Variants in DLG2 observed in about 807,000 individuals in gnomAD.
The protein encoded by DLG2 is discs large MAGUK scaffold protein 2, also known as disks large homolog 2.
Under a neutral mutation model 132.5 loss-of-function variants are expected in DLG2, and 45 were observed. The ratio of observed to expected loss-of-function variants is 0.34; its 90% CI spans 0.27 to 0.44. The LOEUF (loss-of-function observed/expected upper bound fraction) is 0.44. Among genes scored for constraint, DLG2 ranks in the 20% least tolerant of loss-of-function variants. The pLI, the probability that DLG2 is intolerant of heterozygous loss-of-function variation, is 1.00. For missense variants in DLG2, 1,045 were observed against 1,196.9 expected (o/e 0.87, Z 1.87); for synonymous variants, 424 against 419.6 (o/e 1.01, Z -0.13).
At chr11:84,722,732 C>A (rs918871982) in intron 6 of DLG2, among the ~76,000 whole-genome samples, 3 of 152,120 alleles carry the variant, frequency 2.0e-5, no homozygotes, top group African/African-American at 7.2e-5. Flanking sequence ...GAGCAAAATT[C>A]AACACGGAAA....
At chr11:84,906,199 T>G (rs2091484614) in intron 6 of DLG2, among the ~76,000 whole-genome samples, 1 of 151,682 alleles carries the variant, frequency 6.6e-6, no homozygotes, top group African/African-American at 2.4e-5. Context: ...TTTTTTTATC[T>G]TTATCTTGAA....
chr11:83,929,999 T>C (rs1591274431), intron 15 of DLG2, among the ~76,000 whole-genome samples: 1 of 152,326 alleles, frequency 6.6e-6, no homozygotes, highest in East Asian at 1.9e-4. Context: ...TCTTTCATCC[T>C]TCTGTATGAG....
At chr11:83,595,987 A>G (rs898458038) in intron 19 of DLG2, among the ~76,000 whole-genome samples, 5 of 152,178 alleles carry the variant, frequency 3.3e-5, no homozygotes, top group African/African-American at 1.2e-4. Context: ...AACCCTTAAA[A>G]TGCATTTATT....
chr11:84,755,133 T>C (rs2153837102), intron 6 of DLG2, among the ~76,000 whole-genome samples: 1 of 152,280 alleles, frequency 6.6e-6, no homozygotes, highest in Admixed American at 6.5e-5. Context: ...TTAAAAAATT[T>C]AAGTTTGAAG....
chr11:84,149,429 A>G (rs1212209759), intron 9 of DLG2, among the ~76,000 whole-genome samples: 3 of 152,068 alleles, frequency 2.0e-5, no homozygotes, highest in Non-Finnish European at 4.4e-5. Context: ...TCATTCTTCT[A>G]CATATGAATA....
In DLG2 at chr11:84,540,224, C is replaced by A. The variant is rs1460773874; in HGVS notation, c.358-5493G>T. 2.6e-5 allele frequency among the ~76,000 whole-genome samples: 4 copies of A among 151,768 alleles called. No homozygotes were observed. The East Asian group carries it at 7.8e-4, about 29-fold the overall frequency. Reference sequence around the variant, plus strand: ...ATTAAACTAAACAGCTCCTGCACAGCAAAAGAAACTACCATCAGAGTGAAC... The same window carrying A: ...ATTAAACTAAACAGCTCCTGCACAGAAAAAGAAACTACCATCAGAGTGAAC... On this transcript the variant is annotated intron_variant, in intron 6 of 27. Transcript: ENST00000376104.
chr11:83,691,483 G>A (rs545380634), intron 18 of DLG2, among the ~76,000 whole-genome samples: 2 of 152,282 alleles, frequency 1.3e-5, no homozygotes, highest in Admixed American at 6.5e-5. Context: ...CTGCGTATGA[G>A]GCTCTGCTGT....
rs143573105 is a variant in DLG2, at chr11:84,527,350, A to G, written c.519+7220T>C. ...CTGGCAACTCTAGTAAGAAAATAGT[A>G]TAAAAATACACATTGTTATCCTTTG... On this transcript the variant is annotated intron_variant, in intron 7 of 27. Coordinates refer to ENST00000376104, the MANE Select transcript of DLG2 (RefSeq NM_001142699.3). Among the ~76,000 whole-genome samples the G allele has an allele frequency of 4.1e-3, 628 of 152,318 alleles. 7 individuals carry two copies. The highest frequency in any genetic ancestry group is 0.015 in the African/African-American group (603 of 41,568).
intron 17 of DLG2, among the ~76,000 whole-genome samples, chr11:83,820,822 TTTAG>T (rs1565201809): frequency 3.3e-5 from 5 of 152,304 alleles, no homozygotes; most frequent in African/African-American, 1.2e-4. Context: ...CTGATCCATA[TTTAG>T]TTATTCTCTG....
intron 21 of DLG2, among the ~76,000 whole-genome samples, chr11:83,518,050 T>G (rs992690516): frequency 1.3e-5 from 2 of 152,210 alleles, no homozygotes; most frequent in African/African-American, 4.8e-5. Flanking sequence ...TTCAAAGCTG[T>G]CAGACAGGAA....
intron 6 of DLG2, among the ~76,000 whole-genome samples, chr11:84,660,039 T>C (rs907987372): frequency 1.3e-5 from 2 of 152,104 alleles, no homozygotes; most frequent in Admixed American, 6.6e-5. Flanking sequence ...GAAAGCTCAC[T>C]TGAGCCTTAG....
chr11:83,870,769 T>C (rs931498194), intron 16 of DLG2, among the ~76,000 whole-genome samples: 8 of 152,270 alleles, frequency 5.3e-5, no homozygotes, highest in African/African-American at 1.9e-4. Context: ...TTCAATCCCA[T>C]CTGTTGTCAC....
At chr11:83,771,950 A>G (rs2094410469) in intron 18 of DLG2, among the ~76,000 whole-genome samples, 1 of 152,172 alleles carries the variant, frequency 6.6e-6, no homozygotes, top group African/African-American at 2.4e-5. Context: ...CCTTGATTTC[A>G]TATCCCTTTA....
intron 6 of DLG2, among the ~76,000 whole-genome samples, chr11:84,707,574 C>T (rs141200518): frequency 4.0e-5 from 6 of 151,874 alleles, no homozygotes; most frequent in East Asian, 2.0e-4. Context: ...TATAAGAGTA[C>T]AATAGGTTGT....
chr11:85,116,899 G>T (rs2073674229), intron 5 of DLG2, among the ~76,000 whole-genome samples: 1 of 151,992 alleles, frequency 6.6e-6, no homozygotes, highest in African/African-American at 2.4e-5. Flanking sequence ...GAGGGGTTGA[G>T]AAGTCTTACA....
intron 19 of DLG2, among the ~76,000 whole-genome samples, chr11:83,588,045 C>G (rs113856513): frequency 1.3e-5 from 2 of 152,160 alleles, no homozygotes; most frequent in African/African-American, 4.8e-5. Context: ...AAGGCGGCAG[C>G]GAGGCTAGGG....
At chr11:85,613,310 C>A (rs1344239045) in intron 2 of DLG2, among the ~76,000 whole-genome samples, 10 of 152,202 alleles carry the variant, frequency 6.6e-5, no homozygotes, top group Admixed American at 6.5e-4. Context: ...GACCCCTGGA[C>A]TGACCCACCA....
intron 3 of DLG2, among the ~76,000 whole-genome samples, chr11:85,541,226 A>G (rs2075946977): frequency 6.6e-6 from 1 of 152,188 alleles, no homozygotes; most frequent in African/African-American, 2.4e-5. Flanking sequence ...TCAAAAAATA[A>G]TTATTGAGAC....
chr11:85,611,021 C>A (rs1397286237), intron 2 of DLG2, among the ~76,000 whole-genome samples: 1 of 152,106 alleles, frequency 6.6e-6, no homozygotes, highest in Non-Finnish European at 1.5e-5. Context: ...TAAAGCGGGC[C>A]CTAGTACAAC....
Sources: gnomAD v4.1 joint callset for allele counts (sites outside exome capture counted in the v4.1 genomes callset) on GRCh38, gnomAD v4.1.1 for gene constraint, MANE v1.5 for transcripts, NCBI Gene and HGNC (gene_info 2026-07-23, HGNC 2026-07-21) for gene names.